TLR5: variants seen among roughly 807,000 people sequenced by gnomAD.
TLR5 encodes toll like receptor 5, also known as toll-like receptor 5.
For synonymous variants in TLR5, 373 were observed against 384.4 expected (o/e 0.97, Z 0.35); for missense variants, 944 against 999.8 (o/e 0.94, Z 0.75).
At chr1:223,141,910 G>A (rs1344947299) in intron 1 of TLR5, 147 bp from the exon 2 acceptor site, 1 of 149,810 alleles carries the variant, frequency 6.7e-6, no homozygotes, top group African/African-American at 2.5e-5. Context: ...CTTTAGCACG[G>A]TCTCTCCTCT....
chr1:223,127,962 C>T (rs1455009782), intron 5 of TLR5: 1 of 152,328 alleles, frequency 6.6e-6, no homozygotes, highest in Non-Finnish European at 1.5e-5. Context: ...CCCAGCCCCG[C>T]TGAATCAGAA....
intron 2 of TLR5, among the ~76,000 whole-genome samples, chr1:223,139,600 C>G (rs1019234476): frequency 2.0e-5 from 3 of 152,070 alleles, no homozygotes; most frequent in Non-Finnish European, 4.4e-5. Flanking sequence ...AGAGCCTAGG[C>G]CTGGGGAGCT....
intron 4 of TLR5, chr1:223,134,431 T>A (rs1657522052): frequency 6.6e-6 from 1 of 152,100 alleles, no homozygotes; most frequent in Non-Finnish European, 1.5e-5. Context: ...TAGGTGGTGG[T>A]TCCCAGCATC....
chr1:223,115,612 A>C (rs1190877511), intron 5 of TLR5, among the ~76,000 whole-genome samples: 1 of 150,250 alleles, frequency 6.7e-6, no homozygotes. Flanking sequence ...GCCTGCCCTC[A>C]TGGAGCTTAC....
At chr1:223,123,320 G>A (rs1657024417) in intron 5 of TLR5, among the ~76,000 whole-genome samples, 1 of 152,088 alleles carries the variant, frequency 6.6e-6, no homozygotes, top group African/African-American at 2.4e-5. Flanking sequence ...CACCAAACTG[G>A]GTGACCTTGA....
At chr1:223,140,119 G>A (rs572397542) in intron 2 of TLR5, among the ~76,000 whole-genome samples, 45 of 152,148 alleles carry the variant, frequency 3.0e-4, no homozygotes, top group Non-Finnish European at 5.3e-4. Flanking sequence ...TCAAACACTC[G>A]GGTAGGGGCC....
Position 223,111,727 on chromosome 1 carries a change from T to C in TLR5, c.1305A>G (p.Leu435=). Residue 435 remains leucine (L), a synonymous_variant, in exon 6 of 6, where the codon CTA becomes CTG. Coordinates refer to ENST00000642603, the MANE Select transcript of TLR5 (RefSeq NM_003268.6). ...GAAAGTAGAGAATATCTAGATTTTC[T>C]AGCCTGTTTTCTGATAAGTGGATGA... ...ANLIHLSENR[L]ENLDILYFLL... is the part of the protein sequence containing the mutation. 2.5e-6 allele frequency: 4 copies of C among 1,614,184 alleles called. No homozygotes were observed. Among genetic ancestry groups the C allele is most frequent in the Non-Finnish European group, 1.7e-6 (2 of 1,180,042 alleles).
At position 223,131,448 on chromosome 1, in the gene TLR5, G is replaced by A. The variant is rs554813368; in HGVS notation, c.-5+1027C>T. On this transcript the variant is annotated intron_variant, in intron 5 of 5. Coordinates refer to ENST00000642603, the MANE Select transcript of TLR5 (RefSeq NM_003268.6). This position sits in a 1 kb window ranked among gnomAD's most constrained non-coding sequence, Gnocchi z 4.2. ...GCTGGTCCTGGGGCTTGGAATGCTC[G>A]TGAATGTCTCATCTGCTCATCCCAT... Among the ~76,000 whole-genome samples, 14 of 152,322 alleles carry A rather than the reference G, an allele frequency of 9.2e-5. No homozygotes were observed. The South Asian group carries it at 2.7e-3, about 29-fold the overall frequency.
In TLR5 at chr1:223,134,764, T is replaced by C. The variant is rs1389047719; in HGVS notation, c.-252A>G. 6.8e-6 allele frequency: 1 copy of C among 146,044 alleles called. No homozygotes were observed. Among genetic ancestry groups the C allele is most frequent in the African/African-American group, 2.7e-5 (1 of 37,100 alleles). 9.0% of individuals were successfully genotyped at this position (146,044 alleles called of 1,614,324 possible). On this transcript the variant is annotated 5_prime_UTR_variant, in exon 4 of 6. Coordinates refer to ENST00000642603, the MANE Select transcript of TLR5 (RefSeq NM_003268.6). Reference sequence around the variant, plus strand: ...TCCGACATCTTCCCTGGATGCTAAATCCTGTGTATTGATGGGCAAAGTCAA... The same window carrying C: ...TCCGACATCTTCCCTGGATGCTAAACCCTGTGTATTGATGGGCAAAGTCAA...
At chr1:223,141,198 C>T (rs1001845454) in intron 2 of TLR5, among the ~76,000 whole-genome samples, 1 of 152,306 alleles carries the variant, frequency 6.6e-6, no homozygotes, top group East Asian at 1.9e-4. Flanking sequence ...TTGCTTTCAA[C>T]ACTCAGCAGA....
At position 223,112,993 on chromosome 1, in the gene TLR5, G is replaced by A. The variant is rs756794637; in HGVS notation, c.39C>T (p.Leu13=). 7 of 1,614,016 alleles carry A rather than the reference G, an allele frequency of 4.3e-6. No homozygotes were observed. The highest frequency in any genetic ancestry group is 4.2e-6 in the Non-Finnish European group (5 of 1,180,028). The change falls in exon 6 of 6, where the codon CTC becomes CTT. Residue 13 remains leucine (L), a synonymous_variant. Transcript: ENST00000642603. ...GAATTCCAAACACAGGACCGGCCAT[G>A]AGCACCACTCCTAGGAGAAGGTCCA... is the stretch of plus-strand genomic sequence containing the variant. ...DHLDLLLGVV[L]MAGPVFGIPS... is the part of the protein sequence containing the mutation.
chr1:223,113,035 C>T lies in TLR5; in HGVS notation c.-4G>A. 6.2e-7 allele frequency: 1 copy of T among 1,614,052 alleles called. No individual in the cohort carries two copies. Among genetic ancestry groups the T allele is most frequent in the Non-Finnish European group, 8.5e-7 (1 of 1,179,990 alleles). On this transcript the variant is annotated splice_region_variant and 5_prime_UTR_variant, in exon 6 of 6. Transcript: ENST00000642603. ...GAAGGTCCAGGTGGTCTCCCATGAT[C>T]CTATGGAGAAGAAGGGAGAATGAAA... is the stretch of plus-strand genomic sequence containing the variant.
At chr1:223,138,190 T>G (rs1252696950) in intron 2 of TLR5, among the ~76,000 whole-genome samples, 1 of 151,862 alleles carries the variant, frequency 6.6e-6, no homozygotes, top group Admixed American at 6.6e-5. Flanking sequence ...CTTGAACTAT[T>G]GGTTTCAAAC....
chr1:223,122,656 A>G (rs1657000382), intron 5 of TLR5, among the ~76,000 whole-genome samples: 1 of 152,192 alleles, frequency 6.6e-6, no homozygotes, highest in Non-Finnish European at 1.5e-5. Context: ...CACACCTAGG[A>G]TGTTATGGTG....
At chr1:223,116,995 G>C (rs987585195) in intron 5 of TLR5, among the ~76,000 whole-genome samples, 1 of 152,186 alleles carries the variant, frequency 6.6e-6, no homozygotes, top group Middle Eastern at 3.2e-3. Context: ...CGATGGGACC[G>C]GGCGCCGTGG....
At chr1:223,115,723 TG>T (rs1299102577) in intron 5 of TLR5, among the ~76,000 whole-genome samples, 2 of 151,854 alleles carry the variant, frequency 1.3e-5, no homozygotes, top group African/African-American at 4.8e-5. Context: ...AAAAAGGAGA[TG>T]GGGGTGCCAT....
Position 223,112,467 on chromosome 1 carries a change from C to A in TLR5, c.565G>T (p.Glu189Ter), listed in dbSNP as rs777859667. The change falls in exon 6 of 6, where the codon GAG becomes TAG. Residue 189 changes from glutamate to a stop codon, truncating the protein, a stop_gained. Transcript: ENST00000642603. LOFTEE classifies it low-confidence loss of function (END_TRUNC). ...SNQIFLVCEH[E>*]LEPLQGKTLS... The stretch of plus-strand genomic sequence containing the variant: ...GTTTTCCCTTGTAGGGGCTCGAGCT[C>A]ATGTTCACATACAAGGAATATTTGG... 3 of 1,614,206 alleles carry A rather than the reference C, an allele frequency of 1.9e-6. No individual in the cohort carries two copies. The South Asian group carries it at 3.3e-5, about 18-fold the overall frequency.
At position 223,131,536 on chromosome 1, in the gene TLR5, T is replaced by C. The variant is rs1657395025; in HGVS notation, c.-5+939A>G. ...TCTGCCATGAGAATTCTACATGCAC[T>C]TCTCACACTTCTATGTGCACTAGTT... On this transcript the variant is annotated intron_variant, in intron 5 of 5. Transcript: ENST00000642603. The surrounding 1 kb of genome is among the most constrained non-coding windows in gnomAD (Gnocchi z 4.2). Among the ~76,000 whole-genome samples the C allele has an allele frequency of 6.6e-6, 1 of 152,212 alleles. No homozygotes were observed. Among genetic ancestry groups the C allele is most frequent in the Admixed American group, 6.5e-5 (1 of 15,284 alleles).
intron 4 of TLR5, 73 bp from the exon 5 acceptor site, chr1:223,132,712 C>T (rs1392957584): frequency 1.3e-5 from 2 of 152,340 alleles, no homozygotes; most frequent in East Asian, 1.9e-4. Context: ...CTATGCCATA[C>T]AGCAGTTTTC....
Sources: allele counts gnomAD v4.1 joint callset (sites outside exome capture counted in the v4.1 genomes callset), GRCh38; gene constraint gnomAD v4.1.1; non-coding constraint Gnocchi (gnomAD v3.1); transcripts MANE v1.5; gene names NCBI Gene and HGNC (gene_info 2026-07-23, HGNC 2026-07-21).